Variants in STX18 observed in about 807,000 individuals in gnomAD.
STX18 encodes the protein syntaxin 18.
In STX18, 40 loss-of-function variants were observed where a neutral mutation model predicts 50.1. That is an observed-to-expected ratio of 0.80 (90% confidence interval 0.62 to 1.04). The LOEUF (loss-of-function observed/expected upper bound fraction) is 1.04, where lower values mean the gene tolerates loss of function less well. STX18 is among the 50% of genes least tolerant of loss of function. STX18 has a pLI of 0.00. For synonymous variants in STX18, 158 were observed against 151.8 expected, an observed-to-expected ratio of 1.04 and a Z score of -0.30; for missense variants, 410 against 415.8, an observed-to-expected ratio of 0.99 and a Z score of 0.12.
At chr4:4,501,371 C>T (rs778820021) in intron 1 of STX18, among the ~76,000 whole-genome samples, 3 of 152,214 alleles carry the variant, frequency 2.0e-5, no homozygotes, top group Non-Finnish European at 4.4e-5. Context: ...AGGACCATTG[C>T]TGCCACCTCT....
intron 1 of STX18, among the ~76,000 whole-genome samples, chr4:4,540,970 C>A (rs1182141368): frequency 6.6e-6 from 1 of 152,150 alleles, no homozygotes; most frequent in African/African-American, 2.4e-5. Flanking sequence ...AGAGGGCAGA[C>A]AGAACTATAT....
chr4:4,471,541 A>T, intron 2 of STX18, 98 bp downstream of exon 2: 1 of 769,776 alleles, frequency 1.3e-6, no homozygotes, highest in South Asian at 2.4e-5. Flanking sequence ...TACAACTCTG[A>T]GTTATTAAGA....
intron 1 of STX18, chr4:4,507,096 C>G: frequency 1.8e-6 from 1 of 543,946 alleles, no homozygotes; most frequent in East Asian, 4.8e-5. Flanking sequence ...AGTTGGAGCG[C>G]CAAGATCGTG....
chr4:4,496,780 T>C (rs1232379225), intron 1 of STX18, among the ~76,000 whole-genome samples: 1 of 152,240 alleles, frequency 6.6e-6, no homozygotes, highest in Non-Finnish European at 1.5e-5. Context: ...ACCAGTCATG[T>C]TACACTATGG....
chr4:4,447,841 T>TA (rs1726511915), intron 5 of STX18, among the ~76,000 whole-genome samples: 1 of 152,142 alleles, frequency 6.6e-6, no homozygotes, highest in Non-Finnish European at 1.5e-5. Flanking sequence ...TAAAGCAATA[T>TA]ACATTTTTTT....
rs540643234 is a variant in STX18, at chr4:4,444,579, G to A, written c.498-6070C>T. On this transcript the variant is annotated intron_variant, in intron 5 of 10. Coordinates refer to ENST00000306200, the MANE Select transcript of STX18 (RefSeq NM_016930.4). ...TTCCACTGGGAGAGGACAGCTAGAAGCTTGTACCTGATCTCTCCTGGAGTT... is the reference window on the plus strand; with the variant it reads ...TTCCACTGGGAGAGGACAGCTAGAAACTTGTACCTGATCTCTCCTGGAGTT... Among the ~76,000 whole-genome samples, 75 of 152,332 alleles carry A rather than the reference G, an allele frequency of 4.9e-4. 1 individual carries two copies. The South Asian group carries it at 0.015, about 30-fold the overall frequency.
In STX18 at chr4:4,515,053, C is replaced by T. The variant is rs552483993; in HGVS notation, c.168+26744G>A. On this transcript the variant is annotated intron_variant, in intron 1 of 10. Coordinates refer to ENST00000306200, the MANE Select transcript of STX18 (RefSeq NM_016930.4). ...GGTACTTGTAATCCTCTTTAAGTTTCACTTTCTCCATATAATTCTCAGAAA... is the reference window on the plus strand; with the variant it reads ...GGTACTTGTAATCCTCTTTAAGTTTTACTTTCTCCATATAATTCTCAGAAA... 1.1e-4 allele frequency among the ~76,000 whole-genome samples: 17 copies of T among 152,302 alleles called. No homozygotes were observed. In the South Asian group the frequency reaches 3.1e-3, roughly 28 times the overall value.
chr4:4,430,436 A>T (rs1272690298), intron 7 of STX18, among the ~76,000 whole-genome samples: 1 of 152,248 alleles, frequency 6.6e-6, no homozygotes, highest in African/African-American at 2.4e-5. Flanking sequence ...AGTTAACTGG[A>T]CATTAAATAG....
chr4:4,474,207 C>T (rs1373005912), intron 1 of STX18, among the ~76,000 whole-genome samples: 1 of 152,186 alleles, frequency 6.6e-6, no homozygotes, highest in Non-Finnish European at 1.5e-5. Flanking sequence ...CAAAACGCTA[C>T]ATGTGCATCT....
At chr4:4,537,969 G>C (rs1462148673) in intron 1 of STX18, among the ~76,000 whole-genome samples, 2 of 152,088 alleles carry the variant, frequency 1.3e-5, no homozygotes, top group Admixed American at 6.5e-5. Flanking sequence ...ATTAAACCAG[G>C]TCAAAGGACC....
intron 1 of STX18, among the ~76,000 whole-genome samples, chr4:4,513,775 G>A (rs1730114321): frequency 6.6e-6 from 1 of 152,154 alleles, no homozygotes; most frequent in African/African-American, 2.4e-5. Flanking sequence ...CCAGAGGTCT[G>A]GGATATCTCC....
At chr4:4,462,492 AG>A (rs1468385751) in intron 2 of STX18, among the ~76,000 whole-genome samples, 1 of 152,116 alleles carries the variant, frequency 6.6e-6, no homozygotes, top group Non-Finnish European at 1.5e-5. Flanking sequence ...GGACCAAAAC[AG>A]GGGGTGGAGT....
At chr4:4,461,803 T>A (rs1224777511) in intron 2 of STX18, 3 of 451,842 alleles carry the variant, frequency 6.6e-6, no homozygotes, top group African/African-American at 6.0e-5. Context: ...CTTCCCCAAA[T>A]GACACCTTGC....
intron 1 of STX18, among the ~76,000 whole-genome samples, chr4:4,522,367 C>T (rs1171317849): frequency 2.0e-5 from 3 of 152,126 alleles, no homozygotes; most frequent in Admixed American, 6.5e-5. Context: ...CTATACAGCC[C>T]TCTCCTTTAA....
intron 1 of STX18, among the ~76,000 whole-genome samples, chr4:4,496,279 A>T (rs1729162839): frequency 6.6e-6 from 1 of 152,120 alleles, no homozygotes; most frequent in Admixed American, 6.5e-5. Context: ...GGCACCCAAA[A>T]ATCGCTGAGG....
At position 4,434,909 on chromosome 4, in the gene STX18, G is replaced by A. The variant is rs2108784250; in HGVS notation, c.614-51C>T. The A allele has an allele frequency of 3.0e-6, 4 of 1,321,232 alleles. No homozygotes were observed. The East Asian group carries it at 9.5e-5, about 31-fold the overall frequency. The allele number at this position is 1,321,232 out of a possible 1,614,324, so 81.8% of individuals were successfully genotyped here. On this transcript the variant is annotated intron_variant, in intron 6 of 10. Coordinates refer to ENST00000306200, the MANE Select transcript of STX18 (RefSeq NM_016930.4). ...AAGACCAAATATGTGTTTTAGAATAGGCTGGCTTAGGATGTAGTCATAACA... is the reference window on the plus strand; with the variant it reads ...AAGACCAAATATGTGTTTTAGAATAAGCTGGCTTAGGATGTAGTCATAACA...
chr4:4,441,764 A>T (rs1006149715), intron 5 of STX18, among the ~76,000 whole-genome samples: 36 of 152,272 alleles, frequency 2.4e-4, no homozygotes, highest in African/African-American at 8.2e-4. Flanking sequence ...TATGAAATTC[A>T]TCTGGAAATA....
At chr4:4,484,949 C>T (rs967468801) in intron 1 of STX18, among the ~76,000 whole-genome samples, 17 of 152,212 alleles carry the variant, frequency 1.1e-4, no homozygotes, top group Non-Finnish European at 1.8e-4. Flanking sequence ...GAGAACAGAA[C>T]AAGAAGTTCC....
intron 1 of STX18, among the ~76,000 whole-genome samples, chr4:4,496,559 C>T (rs1213248343): frequency 3.3e-5 from 5 of 152,170 alleles, no homozygotes; most frequent in East Asian, 1.9e-4. Flanking sequence ...TCCCACACCA[C>T]CCACTGAGCT....
Sources: allele counts gnomAD v4.1 joint callset (sites outside exome capture counted in the v4.1 genomes callset), GRCh38; gene constraint gnomAD v4.1.1; transcripts MANE v1.5; gene names NCBI Gene and HGNC (gene_info 2026-07-23, HGNC 2026-07-21).